The following MBOAT1 variants were observed in gnomAD, a reference collection of about 807,000 sequenced individuals.
MBOAT1 encodes the protein membrane-bound glycerophospholipid O-acyltransferase 1.
Under a neutral mutation model 64.4 loss-of-function variants are expected in MBOAT1, and 67 were observed. The ratio of observed to expected loss-of-function variants is 1.04; its 90% CI spans 0.85 to 1.27. The LOEUF (loss-of-function observed/expected upper bound fraction) is 1.27. MBOAT1 is among the 50% of genes most tolerant of loss of function. The pLI, the probability that MBOAT1 is intolerant of heterozygous loss-of-function variation, is 0.00. For missense variants in MBOAT1, 563 were observed against 604.6 expected, an observed-to-expected ratio of 0.93 and a Z score of 0.72; for synonymous variants, 229 against 218.9, an observed-to-expected ratio of 1.05 and a Z score of -0.41.
Position 20,151,199 on chromosome 6 carries a change from T to C in MBOAT1, c.309A>G (p.Val103=), listed in dbSNP as rs755252311. The C allele has an allele frequency of 2.5e-6, 4 of 1,611,566 alleles. No individual in the cohort carries two copies. In the South Asian group the frequency reaches 4.4e-5, roughly 18 times the overall value. Residue 103 remains valine, a synonymous_variant, in exon 3 of 13, where the codon GTA becomes GTG. Coordinates refer to ENST00000324607, the MANE Select transcript of MBOAT1 (RefSeq NM_001080480.3). ...CAGTATCTTACCTGTGAATATTGGA[T>C]ACACTAGCAGTGACCATGATTGCAT... ...MCYAIMVTAS[V]SNIHRYSFFV... is the part of the protein sequence containing the mutation.
intron 1 of MBOAT1, among the ~76,000 whole-genome samples, chr6:20,162,745 A>G (rs975424697): frequency 6.6e-6 from 1 of 152,252 alleles, no homozygotes; most frequent in African/African-American, 2.4e-5. Context: ...GGTTGCCTGC[A>G]GTGGCCTCTC....
intron 1 of MBOAT1, among the ~76,000 whole-genome samples, chr6:20,172,694 A>G (rs1671431571): frequency 6.6e-6 from 1 of 152,232 alleles, no homozygotes; most frequent in Non-Finnish European, 1.5e-5. Context: ...ATGCAAGCAA[A>G]TAAATATAAA....
At chr6:20,112,484 A>AAGTTATTTGCTT (rs1760198386) in intron 11 of MBOAT1, among the ~76,000 whole-genome samples, 1 of 152,232 alleles carries the variant, frequency 6.6e-6, no homozygotes, top group African/African-American at 2.4e-5. Flanking sequence ...CGGGGCAATG[A>AAGTTATTTGCTT]AATGAGAAAT....
chr6:20,152,547 G>T, intron 2 of MBOAT1, 77 bp downstream of exon 2: 4 of 1,418,846 alleles, frequency 2.8e-6, no homozygotes, highest in Admixed American at 2.3e-5. Flanking sequence ...TCTATTTCTG[G>T]CTTTAGTGCA....
At chr6:20,117,368 G>A (rs1760357252) in intron 9 of MBOAT1, among the ~76,000 whole-genome samples, 1 of 152,134 alleles carries the variant, frequency 6.6e-6, no homozygotes, top group Non-Finnish European at 1.5e-5. Context: ...AATTTACTTA[G>A]ATAACAGTGG....
intron 1 of MBOAT1, among the ~76,000 whole-genome samples, chr6:20,201,122 C>G (rs1159091811): frequency 6.6e-6 from 1 of 152,170 alleles, no homozygotes; most frequent in Non-Finnish European, 1.5e-5. Context: ...ACCTACTCGC[C>G]AAGTTGGACT....
chr6:20,133,885 C>T lies in MBOAT1; in HGVS notation c.420-2686G>A, dbSNP rs114848068. On this transcript the variant is annotated intron_variant, in intron 4 of 12. Transcript: ENST00000324607. ...TGGGAGTGAGCTGGCCCCATTGCTGCGATTTTACCCATGATCACACTGACA... is the reference window on the plus strand; with the variant it reads ...TGGGAGTGAGCTGGCCCCATTGCTGTGATTTTACCCATGATCACACTGACA... Among the ~76,000 whole-genome samples the T allele has an allele frequency of 3.9e-3, 594 of 152,186 alleles. 8 individuals are homozygous for T. The highest frequency in any genetic ancestry group is 0.013 in the African/African-American group (522 of 41,514).
At chr6:20,175,156 T>A (rs997701724) in intron 1 of MBOAT1, among the ~76,000 whole-genome samples, 1 of 152,076 alleles carries the variant, frequency 6.6e-6, no homozygotes, top group Admixed American at 6.6e-5. Flanking sequence ...AGAAAAAAAA[T>A]TTAATTACTA....
At chr6:20,140,988 C>G (rs547510930) in intron 4 of MBOAT1, among the ~76,000 whole-genome samples, 1 of 152,214 alleles carries the variant, frequency 6.6e-6, no homozygotes, top group African/African-American at 2.4e-5. Context: ...TAGCACCAAC[C>G]CTTGAGAGCC....
intron 12 of MBOAT1, among the ~76,000 whole-genome samples, chr6:20,104,110 C>G (rs1412936018): frequency 6.6e-6 from 1 of 152,178 alleles, no homozygotes; most frequent in Non-Finnish European, 1.5e-5. Flanking sequence ...CGGTAACATA[C>G]TGTACCGGTT....
intron 4 of MBOAT1, among the ~76,000 whole-genome samples, chr6:20,133,583 A>C (rs1414522530): frequency 3.3e-5 from 5 of 152,140 alleles, no homozygotes; most frequent in East Asian, 3.9e-4. Flanking sequence ...GACAAAAAAA[A>C]CCTCTAGGAA....
chr6:20,104,832 T>A (rs1038442307), intron 12 of MBOAT1, among the ~76,000 whole-genome samples: 1 of 152,210 alleles, frequency 6.6e-6, no homozygotes, highest in Admixed American at 6.5e-5. Flanking sequence ...GAAGCAAACA[T>A]ACATGCATTC....
chr6:20,195,640 T>G (rs1425653528), intron 1 of MBOAT1, among the ~76,000 whole-genome samples: 1 of 151,546 alleles, frequency 6.6e-6, no homozygotes, highest in East Asian at 1.9e-4. Context: ...TGTGTGCATG[T>G]GCACTAATCC....
At chr6:20,118,780 A>G (rs1296643654) in intron 8 of MBOAT1, among the ~76,000 whole-genome samples, 2 of 152,228 alleles carry the variant, frequency 1.3e-5, no homozygotes. Context: ...CTGCTAAGGT[A>G]AGAGGAAAGA....
At chr6:20,161,573 G>A (rs868545089) in intron 1 of MBOAT1, among the ~76,000 whole-genome samples, 37 of 151,976 alleles carry the variant, frequency 2.4e-4, no homozygotes, top group African/African-American at 8.9e-4. Flanking sequence ...CCATGTGTTG[G>A]GCACAGTGAT....
rs150206972 is a variant in MBOAT1 at position 20,152,706 on chromosome 6, G to C, written c.163C>G (p.Arg55Gly). The change falls in exon 2 of 13, where the codon CGT becomes GGT. Residue 55 changes from arginine (R) to glycine (G), a missense_variant. Arg to Gly is a moderately radical substitution (Grantham distance 125). Coordinates refer to ENST00000324607, the MANE Select transcript of MBOAT1 (RefSeq NM_001080480.3). Reference sequence around the variant, plus strand: ...ACATCAGAGCTGGTTGTACCAGGACGTAAGTAGATGCGAAACCAGAAAGCA... The same window carrying C: ...ACATCAGAGCTGGTTGTACCAGGACCTAAGTAGATGCGAAACCAGAAAGCA... ...FAAFWFRIYL[R>G]PGTTSSDVRH... 1.1e-5 allele frequency: 18 copies of C among 1,612,216 alleles called. No individual in the cohort carries two copies. The East Asian group carries it at 3.1e-4, about 28-fold the overall frequency.
At chr6:20,110,391 T>C (rs1046867294) in intron 11 of MBOAT1, among the ~76,000 whole-genome samples, 2 of 151,698 alleles carry the variant, frequency 1.3e-5, no homozygotes, top group African/African-American at 4.8e-5. Context: ...TTTTAAAAAA[T>C]TTTTGTAGAG....
At chr6:20,148,427 A>G (rs961470930) in intron 3 of MBOAT1, among the ~76,000 whole-genome samples, 14 of 152,130 alleles carry the variant, frequency 9.2e-5, no homozygotes, top group Admixed American at 5.2e-4. Flanking sequence ...CAAAAAACAA[A>G]GGGTTAGTTT....
intron 1 of MBOAT1, among the ~76,000 whole-genome samples, chr6:20,184,721 T>C (rs1174048401): frequency 6.6e-6 from 1 of 152,042 alleles, no homozygotes; most frequent in African/African-American, 2.4e-5. Context: ...CCATTCTCCC[T>C]CTACTCCCTA....
Sources: allele counts gnomAD v4.1 joint callset (sites outside exome capture counted in the v4.1 genomes callset), GRCh38; gene constraint gnomAD v4.1.1; transcripts MANE v1.5; gene names NCBI Gene and HGNC (gene_info 2026-07-23, HGNC 2026-07-21).